The following NFAM1 variants were observed in gnomAD, a reference collection of about 807,000 sequenced individuals.
The protein encoded by NFAM1 is NFAT activating protein with ITAM motif 1, also known as NFAT activation molecule 1.
A neutral mutation model predicts 29.0 loss-of-function variants in NFAM1; 17 were observed. The observed-to-expected ratio is 0.59, with a 90% CI of 0.40 to 0.88. NFAM1 has a LOEUF of 0.88. Among genes scored for constraint, NFAM1 ranks in the 40% least tolerant of loss-of-function variants. The probability of loss-of-function intolerance (pLI) is 0.00; values close to 1 mark genes in which losing one functional copy is unlikely to be tolerated. For synonymous variants in NFAM1, 175 were observed against 147.2 expected, an observed-to-expected ratio of 1.19 and a Z score of -1.36; for missense variants, 324 against 344.6, an observed-to-expected ratio of 0.94 and a Z score of 0.47.
At position 42,409,412 on chromosome 22, in the gene NFAM1, G is replaced by T. The variant is rs769634536; in HGVS notation, c.564+23C>A. On this transcript the variant is annotated intron_variant, in intron 3 of 5. Transcript: ENST00000329021. This position sits in a 1 kb window ranked among gnomAD's most constrained non-coding sequence, Gnocchi z 4.9. ...GGCGTGTCGGGTGGAGGGGCTGCAT[G>T]GCTGTGAGCACTGATCCCGTACCTT... 2.3e-6 allele frequency: 3 copies of T among 1,286,978 alleles called. No homozygotes were observed. Among genetic ancestry groups the T allele is most frequent in the Non-Finnish European group, 3.2e-6 (3 of 947,694 alleles). The allele number at this position is 1,286,978 out of a possible 1,614,324, so 79.7% of individuals were successfully genotyped here.
At chr22:42,414,213 A>G (rs79895029) in intron 1 of NFAM1, among the ~76,000 whole-genome samples, 2,295 of 152,312 alleles carry the variant, frequency 0.015, 58 homozygotes, top group African/African-American at 0.053. Context: ...ATGTCATTCC[A>G]GGGAGCTGGC....
chr22:42,413,905 T>A (rs1001605397), intron 1 of NFAM1, among the ~76,000 whole-genome samples: 3 of 152,154 alleles, frequency 2.0e-5, no homozygotes, highest in African/African-American at 7.2e-5. Flanking sequence ...AATAAAAATA[T>A]TAGCCAGGTG....
At chr22:42,435,742 C>T (rs553213370), upstream of NFAM1, among the ~76,000 whole-genome samples, 1 of 151,982 alleles carries the variant, frequency 6.6e-6, no homozygotes, top group African/African-American at 2.4e-5. Context: ...GTTTTGCCCT[C>T]AAGGCGCTCC....
chr22:42,400,909 C>T (rs148823710), intron 3 of NFAM1, among the ~76,000 whole-genome samples: 187 of 152,288 alleles, frequency 1.2e-3, no homozygotes, highest in Non-Finnish European at 2.3e-3. Context: ...GGGTCTCCCG[C>T]GAGGCTGACC....
At chr22:42,411,118 G>C (rs946009072) in intron 2 of NFAM1, among the ~76,000 whole-genome samples, 1 of 150,066 alleles carries the variant, frequency 6.7e-6, no homozygotes, top group African/African-American at 2.5e-5. Flanking sequence ...TCCCATCCTG[G>C]GTTCAAGAAA....
rs1182630497 is a variant in NFAM1 at position 42,419,111 on chromosome 22, CT to C, written c.122-7376del. On this transcript the variant is annotated intron_variant, in intron 1 of 5. Coordinates refer to ENST00000329021, the MANE Select transcript of NFAM1 (RefSeq NM_145912.8). The surrounding 1 kb of genome is among the most constrained non-coding windows in gnomAD (Gnocchi z 4.5). ...CGGGGACCACATGCCGAGTGAGTCC[CT>C]GGCGGGGTGTGCCCCCACGTGTTTG... 6.6e-6 allele frequency among the ~76,000 whole-genome samples: 1 copy of C among 152,208 alleles called. No individual in the cohort carries two copies. Among genetic ancestry groups the C allele is most frequent in the African/African-American group, 2.4e-5 (1 of 41,458 alleles).
rs1459929585 is a variant in NFAM1, at chr22:42,409,552, G to C, written c.452-5C>G. 1.4e-6 allele frequency: 2 copies of C among 1,466,676 alleles called. No homozygotes were observed. The highest frequency in any genetic ancestry group is 1.8e-6 in the Non-Finnish European group (2 of 1,094,122). The allele number at this position is 1,466,676 out of a possible 1,614,324, so 90.9% of individuals were successfully genotyped here. A position where few individuals can be genotyped will look rare whatever the true frequency, so the allele number is the denominator to read the frequency against. On this transcript the variant is annotated splice_region_variant and splice_polypyrimidine_tract_variant and intron_variant, in intron 2 of 5. Coordinates refer to ENST00000329021, the MANE Select transcript of NFAM1 (RefSeq NM_145912.8). This position sits in a 1 kb window ranked among gnomAD's most constrained non-coding sequence, Gnocchi z 4.9. The stretch of plus-strand genomic sequence containing the variant: ...GGGGCTCTCGGTACCCTGCGTCTAG[G>C]AGGAAGCGCAGGGGAGCAGAGGGGT...
At chr22:42,432,890 G>A (rs570865324), upstream of NFAM1, among the ~76,000 whole-genome samples, 35 of 152,128 alleles carry the variant, frequency 2.3e-4, no homozygotes, top group African/African-American at 7.9e-4. Flanking sequence ...CCCTAGAGAG[G>A]GCCAAACACC....
Position 42,409,596 on chromosome 22 carries a change from C to A in NFAM1, c.452-49G>T, listed in dbSNP as rs372665425. ...GAGGGGTCAGTGACCCAGGAGAAAG[C>A]GGGGCACACACACCTGATGTTCTCC... On this transcript the variant is annotated intron_variant, in intron 2 of 5. Coordinates refer to ENST00000329021, the MANE Select transcript of NFAM1 (RefSeq NM_145912.8). This position sits in a 1 kb window ranked among gnomAD's most constrained non-coding sequence, Gnocchi z 4.9. 4.4e-6 allele frequency: 4 copies of A among 905,658 alleles called. No individual in the cohort carries two copies. In the East Asian group the frequency reaches 1.1e-4, roughly 26 times the overall value. 56.1% of individuals were successfully genotyped at this position (905,658 alleles called of 1,614,324 possible).
intron 4 of NFAM1, among the ~76,000 whole-genome samples, chr22:42,392,500 T>C (rs1929378864): frequency 6.6e-6 from 1 of 152,060 alleles, no homozygotes; most frequent in South Asian, 2.1e-4. Flanking sequence ...GTGAGAGGGC[T>C]CTGTCAACGC....
intron 4 of NFAM1, among the ~76,000 whole-genome samples, chr22:42,389,179 C>T (rs549257379): frequency 6.6e-6 from 1 of 152,348 alleles, no homozygotes; most frequent in East Asian, 1.9e-4. Flanking sequence ...TCCTGTCCAG[C>T]TCAGCCGGGC....
intron 1 of NFAM1, among the ~76,000 whole-genome samples, chr22:42,423,282 G>A (rs1930509417): frequency 6.6e-6 from 1 of 152,098 alleles, no homozygotes; most frequent in African/African-American, 2.4e-5. Flanking sequence ...AGGAAAGACT[G>A]TGGGCTGCAG....
chr22:42,434,166 T>C (rs773034773), upstream of NFAM1, among the ~76,000 whole-genome samples: 1 of 152,210 alleles, frequency 6.6e-6, no homozygotes, highest in Non-Finnish European at 1.5e-5. Flanking sequence ...TCTAGCCTGC[T>C]GCACACCTGG....
chr22:42,386,728 T>C (rs893119325), intron 5 of NFAM1, among the ~76,000 whole-genome samples: 5 of 152,172 alleles, frequency 3.3e-5, no homozygotes, highest in Admixed American at 2.6e-4. Context: ...TGGGTACTGT[T>C]AGGTTGCTCA....
intron 3 of NFAM1, among the ~76,000 whole-genome samples, chr22:42,401,364 T>C (rs1929720916): frequency 1.3e-5 from 2 of 152,106 alleles, no homozygotes; most frequent in Non-Finnish European, 2.9e-5. Context: ...CCAAATGCCA[T>C]GGTGTCTACC....
chr22:42,411,820 G>T (rs780006910), intron 1 of NFAM1, 84 bp from the exon 2 acceptor site: 15 of 908,038 alleles, frequency 1.7e-5, no homozygotes, highest in Non-Finnish European at 2.6e-5. Context: ...GCTCACGACC[G>T]GGTGCGGTGG....
chr22:42,402,831 CTTTTTTTTT>C (rs35045065), intron 3 of NFAM1, among the ~76,000 whole-genome samples: 3 of 97,120 alleles, frequency 3.1e-5, no homozygotes, highest in African/African-American at 9.3e-5. Context: ...TCTGTGCCTT[CTTTTTTTTT>C]TTTTTTTTTT....
chr22:42,430,805 G>A (rs1182369009), intron 1 of NFAM1, among the ~76,000 whole-genome samples: 1 of 152,102 alleles, frequency 6.6e-6, no homozygotes, highest in Non-Finnish European at 1.5e-5. Context: ...AGGGTGTGCT[G>A]GGTGTCTTTT....
intron 3 of NFAM1, among the ~76,000 whole-genome samples, chr22:42,407,245 C>A (rs1472831282): frequency 6.6e-6 from 1 of 151,852 alleles, no homozygotes; most frequent in Non-Finnish European, 1.5e-5. Context: ...CAATACCCAG[C>A]TAGTTTTTGT....
Sources: allele counts gnomAD v4.1 joint callset (sites outside exome capture counted in the v4.1 genomes callset), GRCh38; gene constraint gnomAD v4.1.1; non-coding constraint Gnocchi (gnomAD v3.1); transcripts MANE v1.5; gene names NCBI Gene and HGNC (gene_info 2026-07-23, HGNC 2026-07-21).